The following NADSYN1 variants were observed in gnomAD, a reference collection of about 807,000 sequenced individuals.
The protein encoded by NADSYN1 is NAD synthetase 1.
NADSYN1 carries 80 observed loss-of-function variants against 99.3 expected under a neutral mutation model. That is an observed-to-expected ratio of 0.81 (90% confidence interval 0.67 to 0.97). The LOEUF (loss-of-function observed/expected upper bound fraction) is 0.97. NADSYN1 is among the 50% of genes least tolerant of loss of function. NADSYN1 has a pLI of 0.00. For missense variants in NADSYN1, 859 were observed against 948.5 expected (o/e 0.91, Z 1.24); for synonymous variants, 385 against 372.1 (o/e 1.03, Z -0.40).
chr11:71,466,311 C>T lies in NADSYN1; in HGVS notation c.407+2169C>T, dbSNP rs191311085. 3.4e-3 allele frequency among the ~76,000 whole-genome samples: 511 copies of T among 152,306 alleles called. 1 individual carries two copies. The highest frequency in any genetic ancestry group is 0.012 in the African/African-American group (494 of 41,556). ...CACTTGGACTTTCACTTAACATGCC[C>T]CCATCCTCAGCCTCTAGACCTCAAG... On this transcript the variant is annotated intron_variant, in intron 5 of 20. Coordinates refer to ENST00000319023, the MANE Select transcript of NADSYN1 (RefSeq NM_018161.5).
intron 9 of NADSYN1, chr11:71,476,987 G>A (rs1949671596): frequency 9.6e-7 from 1 of 1,038,628 alleles, no homozygotes; most frequent in South Asian, 3.3e-5. Context: ...TGTATTCAGA[G>A]TGGCCGCGCT....
At chr11:71,494,606 A>T (rs897851464) in intron 18 of NADSYN1, among the ~76,000 whole-genome samples, 2 of 152,150 alleles carry the variant, frequency 1.3e-5, no homozygotes, top group African/African-American at 4.8e-5. Flanking sequence ...CCTGGAGTGC[A>T]GTGGTGCGAT....
chr11:71,480,613 C>A, intron 10 of NADSYN1, 142 bp from the exon 11 acceptor site: 1 of 1,262,214 alleles, frequency 7.9e-7, no homozygotes, highest in Non-Finnish European at 1.1e-6. Flanking sequence ...TTCTCGCCAT[C>A]CTCGTGGGAG....
chr11:71,484,324 T>A lies in NADSYN1; in HGVS notation c.1332T>A (p.Ser444Arg). 1.9e-6 allele frequency: 3 copies of A among 1,613,926 alleles called. No individual in the cohort carries two copies. Among genetic ancestry groups the A allele is most frequent in the Non-Finnish European group, 2.5e-6 (3 of 1,179,820 alleles). ...LAQQIGSHHI[S>R]LNIDPAVKAV... Reference sequence around the variant, plus strand: ...CTTCTCCTTCCAGCCACCACATCAGTCTCAACATCGATCCAGCCGTGAAGG... The same window carrying A: ...CTTCTCCTTCCAGCCACCACATCAGACTCAACATCGATCCAGCCGTGAAGG... Residue 444 changes from serine (S) to arginine (R), a missense_variant, in exon 15 of 21, where the codon AGT becomes AGA. Ser to Arg is a moderately radical substitution (Grantham distance 110, BLOSUM62 -1). Coordinates refer to ENST00000319023, the MANE Select transcript of NADSYN1 (RefSeq NM_018161.5).
chr11:71,491,966 C>A, intron 18 of NADSYN1, 63 bp downstream of exon 18: 1 of 1,458,290 alleles, frequency 6.9e-7, no homozygotes, highest in Non-Finnish European at 9.5e-7. Flanking sequence ...TGTGGTGGTG[C>A]TGGCTCTTCC....
chr11:71,497,712 C>T (rs940596854), intron 19 of NADSYN1, 101 bp downstream of exon 19: 3 of 1,442,934 alleles, frequency 2.1e-6, no homozygotes, highest in African/African-American at 2.8e-5. Context: ...ACAGTGTGAC[C>T]CTAACGTAAT....
intron 1 of NADSYN1, among the ~76,000 whole-genome samples, chr11:71,454,140 C>G (rs753215326): frequency 2.6e-5 from 4 of 152,174 alleles, no homozygotes; most frequent in Admixed American, 6.5e-5. Flanking sequence ...ACTGCAAGAG[C>G]CTTTGCCAGG....
intron 9 of NADSYN1, chr11:71,477,214 G>A (rs1211700916): frequency 1.3e-5 from 15 of 1,183,320 alleles, no homozygotes; most frequent in Middle Eastern, 4.7e-4. Context: ...GAGTCAGGCC[G>A]CCGTGCGGCA....
chr11:71,481,618 C>A lies in NADSYN1; in HGVS notation c.1047+214C>A. ...GTCAGCTCCACCTTTGGAGGCTCAG[C>A]GGAACCCAGCCCATCAGCATTCAGG... On this transcript the variant is annotated intron_variant, in intron 12 of 20. Coordinates refer to ENST00000319023, the MANE Select transcript of NADSYN1 (RefSeq NM_018161.5). 1.6e-5 allele frequency: 10 copies of A among 611,556 alleles called. No homozygotes were observed. In the South Asian group the frequency reaches 1.8e-4, roughly 11 times the overall value. The allele number at this position is 611,556 out of a possible 1,614,324, so 37.9% of individuals were successfully genotyped here. A position where few individuals can be genotyped will look rare whatever the true frequency, so the allele number is the denominator to read the frequency against.
chr11:71,484,064 A>G (rs1261457068), intron 14 of NADSYN1, among the ~76,000 whole-genome samples: 1 of 152,222 alleles, frequency 6.6e-6, no homozygotes, highest in East Asian at 1.9e-4. Context: ...CAGAGCTGTC[A>G]GAGCTGGAGG....
chr11:71,497,475 G>T lies in NADSYN1; in HGVS notation c.1765-8G>T. On this transcript the variant is annotated splice_polypyrimidine_tract_variant and splice_region_variant and intron_variant, in intron 18 of 20. Coordinates refer to ENST00000319023, the MANE Select transcript of NADSYN1 (RefSeq NM_018161.5). ...TGTCATCATGGAACAGATTTTTGTT[G>T]TGCACAGGAAGATATGGGGATGACA... is the stretch of plus-strand genomic sequence containing the variant. The T allele has an allele frequency of 1.2e-6, 2 of 1,613,978 alleles. No homozygotes were observed. The highest frequency in any genetic ancestry group is 1.7e-5 in the Admixed American group (1 of 59,984).
In NADSYN1 at chr11:71,472,458, G is replaced by A; in HGVS notation, c.417G>A (p.Glu139=). 1 of 1,613,218 alleles carries A rather than the reference G, an allele frequency of 6.2e-7. No homozygotes were observed. Among genetic ancestry groups the A allele is most frequent in the Non-Finnish European group, 8.5e-7 (1 of 1,179,104 alleles). ...GTGTTTTCCTCTCCAGGCACACAGA[G>A]GAGTACTTTCTGCCTCGGATGATAC... ...FTPWSRSRHT[E]EYFLPRMIQD... The change falls in exon 6 of 21, where the codon GAG becomes GAA. Residue 139 remains glutamate (E), a synonymous_variant. Coordinates refer to ENST00000319023, the MANE Select transcript of NADSYN1 (RefSeq NM_018161.5).
rs766718282 is a variant in NADSYN1 at position 71,473,596 on chromosome 11, C to T, written c.576C>T (p.Gly192=). The T allele has an allele frequency of 5.0e-6, 8 of 1,612,532 alleles. No homozygotes were observed. The highest frequency in any genetic ancestry group is 1.6e-4 in the Middle Eastern group (1 of 6,076). The part of the protein sequence containing the change: ...HSPHIDMGLD[G]VEIITNASGS... ...CGCACATCGACATGGGCCTGGATGGCGTGGAGATCATCACCAACGCCTCGG... is the reference window on the plus strand; with the variant it reads ...CGCACATCGACATGGGCCTGGATGGTGTGGAGATCATCACCAACGCCTCGG... The change falls in exon 8 of 21, where the codon GGC becomes GGT. Residue 192 remains glycine, a synonymous_variant. Transcript: ENST00000319023.
At chr11:71,484,266 A>G (rs776604245) in intron 14 of NADSYN1, 46 bp from the exon 15 acceptor site, 4 of 1,598,970 alleles carry the variant, frequency 2.5e-6, no homozygotes, top group Non-Finnish European at 3.4e-6. Flanking sequence ...ACACACATGC[A>G]CACACGTGCA....
In NADSYN1 at chr11:71,455,909, A is replaced by G. The variant is rs531464903; in HGVS notation, c.146+739A>G. On this transcript the variant is annotated intron_variant, in intron 2 of 20. Transcript: ENST00000319023. ...TAAAAATCAGGAAAACTGATTGCTT[A>G]TTTCCCTTCTTGTCCCTTCAAAAAC... Among the ~76,000 whole-genome samples the G allele has an allele frequency of 1.2e-4, 18 of 152,358 alleles. No homozygotes were observed. The South Asian group carries it at 3.7e-3, about 32-fold the overall frequency.
At chr11:71,475,892 T>C (rs1197748320) in intron 9 of NADSYN1, 2 of 383,642 alleles carry the variant, frequency 5.2e-6, no homozygotes, top group Non-Finnish European at 1.0e-5. Flanking sequence ...TTGTATTTAC[T>C]TAGTAGAGAC....
At chr11:71,471,198 TC>T (rs1176743219) in intron 5 of NADSYN1, among the ~76,000 whole-genome samples, 1 of 152,168 alleles carries the variant, frequency 6.6e-6, no homozygotes, top group Non-Finnish European at 1.5e-5. Flanking sequence ...ATTCCTTTCA[TC>T]CCCGTGGAAG....
At chr11:71,470,392 C>A (rs1949619123) in intron 5 of NADSYN1, among the ~76,000 whole-genome samples, 1 of 152,256 alleles carries the variant, frequency 6.6e-6, no homozygotes, top group South Asian at 2.1e-4. Context: ...ATGCGGGGAG[C>A]ACTTCCAAGG....
At chr11:71,498,271 T>C in intron 19 of NADSYN1, 81 bp from the exon 20 acceptor site, 2 of 1,504,838 alleles carry the variant, frequency 1.3e-6, no homozygotes, top group South Asian at 1.2e-5. Flanking sequence ...GTCATTTGCT[T>C]GTATGATCCA....
Sources: gnomAD v4.1 joint callset for allele counts (sites outside exome capture counted in the v4.1 genomes callset) on GRCh38, gnomAD v4.1.1 for gene constraint, MANE v1.5 for transcripts, NCBI Gene and HGNC (gene_info 2026-07-23, HGNC 2026-07-21) for gene names.